The following ARHGEF12 variants were observed in gnomAD, a reference collection of about 807,000 sequenced individuals.
The protein encoded by ARHGEF12 is Rho guanine nucleotide exchange factor 12.
ARHGEF12 carries 66 observed loss-of-function variants against 211.2 expected under a neutral mutation model. The ratio of observed to expected loss-of-function variants is 0.31; its 90% CI spans 0.26 to 0.38. The LOEUF (loss-of-function observed/expected upper bound fraction) is 0.38. Among genes scored for constraint, ARHGEF12 ranks in the 10% least tolerant of loss-of-function variants. The probability of loss-of-function intolerance (pLI) is 1.00; values close to 1 mark genes in which losing one functional copy is unlikely to be tolerated. For missense variants in ARHGEF12, 1,429 were observed against 1,869.5 expected (o/e 0.76, Z 4.34); for synonymous variants, 592 against 638.4 (o/e 0.93, Z 1.09).
rs200070558 is a variant in ARHGEF12 at position 120,428,053 on chromosome 11, G to A, written c.407-16G>A. ...ATTTTCCCTTCCCTTCCCTTTTTCC[G>A]TCTCCCCACCCCAAGCTGGTTCCTA... On this transcript the variant is annotated splice_polypyrimidine_tract_variant and intron_variant, in intron 7 of 40. Coordinates refer to ENST00000397843, the MANE Select transcript of ARHGEF12 (RefSeq NM_015313.3). 1,056 of 1,508,046 alleles carry A rather than the reference G, an allele frequency of 7.0e-4. 1 individual carries two copies. Among genetic ancestry groups the A allele is most frequent in the Non-Finnish European group, 7.8e-4 (884 of 1,127,584 alleles). 93.4% of individuals were successfully genotyped at this position (1,508,046 alleles called of 1,614,324 possible). A position where few individuals can be genotyped will look rare whatever the true frequency, so the allele number is the denominator to read the frequency against.
intron 21 of ARHGEF12, 171 bp downstream of exon 21, chr11:120,449,385 T>A (rs1239900677): frequency 1.2e-5 from 7 of 581,450 alleles, no homozygotes; most frequent in Non-Finnish European, 2.1e-5. Context: ...GTACCCCCTA[T>A]GTTGCTACAT....
rs115446113 is a variant in ARHGEF12, at chr11:120,436,910, T to C, written c.925-398T>C. Reference sequence around the variant, plus strand: ...TAACAGAATAGTAGAAGCTTAATTGTACTCATAAGTAGGGCAAAATGCTTT... The same window carrying C: ...TAACAGAATAGTAGAAGCTTAATTGCACTCATAAGTAGGGCAAAATGCTTT... On this transcript the variant is annotated intron_variant, in intron 11 of 40. Coordinates refer to ENST00000397843, the MANE Select transcript of ARHGEF12 (RefSeq NM_015313.3). Among the ~76,000 whole-genome samples the C allele has an allele frequency of 6.6e-3, 998 of 152,276 alleles. 10 individuals carry two copies. The highest frequency in any genetic ancestry group is 0.023 in the African/African-American group (942 of 41,562).
At chr11:120,445,255 G>A (rs1237276572) in intron 15 of ARHGEF12, among the ~76,000 whole-genome samples, 167 bp from the exon 16 acceptor site, 4 of 152,296 alleles carry the variant, frequency 2.6e-5, no homozygotes, top group Non-Finnish European at 5.9e-5. Context: ...AAGTTTAAAC[G>A]ATAGAATGTT....
intron 7 of ARHGEF12, among the ~76,000 whole-genome samples, chr11:120,425,179 G>A (rs991890018): frequency 6.6e-5 from 10 of 152,138 alleles, no homozygotes; most frequent in Admixed American, 3.3e-4. Flanking sequence ...CAGGGAGAAG[G>A]GAAGGTTCAG....
rs532687636 is a variant in ARHGEF12 at position 120,388,229 on chromosome 11, G to T, written c.33-17889G>T. On this transcript the variant is annotated intron_variant, in intron 1 of 40. Coordinates refer to ENST00000397843, the MANE Select transcript of ARHGEF12 (RefSeq NM_015313.3). ...TTTTGTAAGTGAACTCACATAGTTT[G>T]TGCTTTTCTTATGTGGTCTCTTTTA... Among the ~76,000 whole-genome samples, 9 of 152,160 alleles carry T rather than the reference G, an allele frequency of 5.9e-5. No homozygotes were observed. In the South Asian group the frequency reaches 1.5e-3, roughly 25 times the overall value.
intron 4 of ARHGEF12, among the ~76,000 whole-genome samples, chr11:120,417,210 G>T (rs1231580753): frequency 2.0e-5 from 3 of 151,930 alleles, no homozygotes; most frequent in African/African-American, 7.3e-5. Context: ...TTCTCTGCAG[G>T]CATCTGAAAA....
At chr11:120,358,575 C>T (rs1329504376) in intron 1 of ARHGEF12, among the ~76,000 whole-genome samples, 4 of 152,074 alleles carry the variant, frequency 2.6e-5, no homozygotes, top group African/African-American at 9.7e-5. Context: ...TAAACTTGCA[C>T]TATCCACTAT....
chr11:120,400,371 A>T (rs1328588586), intron 1 of ARHGEF12, among the ~76,000 whole-genome samples: 1 of 152,180 alleles, frequency 6.6e-6, no homozygotes, highest in East Asian at 1.9e-4. Flanking sequence ...TTGTTAAATG[A>T]TATTAATATC....
At chr11:120,386,045 A>T (rs1033912416) in intron 1 of ARHGEF12, among the ~76,000 whole-genome samples, 1 of 152,136 alleles carries the variant, frequency 6.6e-6, no homozygotes, top group Non-Finnish European at 1.5e-5. Flanking sequence ...ATATATAATC[A>T]TTGGAAAAGG....
In ARHGEF12 at chr11:120,339,785, T is replaced by A. The variant is rs536054144; in HGVS notation, c.32+2510T>A. On this transcript the variant is annotated intron_variant, in intron 1 of 40. Coordinates refer to ENST00000397843, the MANE Select transcript of ARHGEF12 (RefSeq NM_015313.3). ...TCTTGTGTTAGGGACGTGCTGGGGC[T>A]GGGATGGAATTCAGCTATGTTTAGG... Among the ~76,000 whole-genome samples, 3 of 152,328 alleles carry A rather than the reference T, an allele frequency of 2.0e-5. No homozygotes were observed. The East Asian group carries it at 5.8e-4, about 29-fold the overall frequency.
chr11:120,478,507 A>T, intron 37 of ARHGEF12, 118 bp downstream of exon 37: 1 of 1,003,076 alleles, frequency 1.0e-6, no homozygotes, highest in South Asian at 1.6e-5. Context: ...TGTGGAGATT[A>T]TAGTATTCTC....
intron 1 of ARHGEF12, among the ~76,000 whole-genome samples, chr11:120,343,434 A>G (rs988847639): frequency 6.6e-5 from 10 of 152,258 alleles, no homozygotes; most frequent in African/African-American, 2.2e-4. Context: ...TCTAACTCCA[A>G]TAGAAGCCTA....
chr11:120,366,433 C>T (rs1943423274), intron 1 of ARHGEF12, among the ~76,000 whole-genome samples: 1 of 152,168 alleles, frequency 6.6e-6, no homozygotes, highest in Admixed American at 6.5e-5. Context: ...GCTGGGGTTA[C>T]AGGCGTGAGC....
At chr11:120,396,433 C>T (rs924693294) in intron 1 of ARHGEF12, among the ~76,000 whole-genome samples, 1 of 152,130 alleles carries the variant, frequency 6.6e-6, no homozygotes, top group Non-Finnish European at 1.5e-5. Context: ...CGTCGAGCAA[C>T]CACTCCCTTA....
At chr11:120,437,243 T>G (rs780809821) in intron 11 of ARHGEF12, 65 bp from the exon 12 acceptor site, 9 of 1,154,038 alleles carry the variant, frequency 7.8e-6, no homozygotes, top group Non-Finnish European at 9.9e-6. Context: ...TTTTCACACT[T>G]TTTTCCCTCA....
chr11:120,450,245 A>C (rs537077073), intron 21 of ARHGEF12: 2 of 151,868 alleles, frequency 1.3e-5, no homozygotes, highest in African/African-American at 4.8e-5. Context: ...ATCATGGTGC[A>C]TGTGTGTAGT....
intron 30 of ARHGEF12, among the ~76,000 whole-genome samples, chr11:120,472,367 G>T (rs1946893833): frequency 6.6e-6 from 1 of 152,194 alleles, no homozygotes; most frequent in Non-Finnish European, 1.5e-5. Context: ...ATGGATATTA[G>T]TGATTGCTTC....
At chr11:120,341,138 A>G (rs1591474623) in intron 1 of ARHGEF12, among the ~76,000 whole-genome samples, 1 of 151,968 alleles carries the variant, frequency 6.6e-6, no homozygotes, top group Admixed American at 6.6e-5. Flanking sequence ...CCTCACTGCA[A>G]CCTCCGCCTC....
chr11:120,448,146 C>CT, intron 19 of ARHGEF12, 88 bp from the exon 20 acceptor site: 1 of 1,011,648 alleles, frequency 9.9e-7, no homozygotes, highest in South Asian at 1.5e-5. Context: ...TAATTCCAAC[C>CT]TTGGGGTTTT....
Sources: allele counts gnomAD v4.1 joint callset (sites outside exome capture counted in the v4.1 genomes callset), GRCh38; gene constraint gnomAD v4.1.1; transcripts MANE v1.5; gene names NCBI Gene and HGNC (gene_info 2026-07-23, HGNC 2026-07-21).